Variants in IL6ST observed in about 807,000 individuals in gnomAD.
IL6ST encodes the protein interleukin 6 cytokine family signal transducer, also known as interleukin-6 receptor subunit beta.
In IL6ST, 24 loss-of-function variants were observed where a neutral mutation model predicts 91.3. The ratio of observed to expected loss-of-function variants is 0.26; its 90% CI spans 0.19 to 0.37. IL6ST has a LOEUF of 0.37. IL6ST is among the 10% of genes least tolerant of loss of function. The probability of loss-of-function intolerance (pLI) is 1.00; values close to 1 mark genes in which losing one functional copy is unlikely to be tolerated. For synonymous variants in IL6ST, 351 were observed against 373.6 expected, an observed-to-expected ratio of 0.94 and a Z score of 0.70; for missense variants, 914 against 1,078.5, an observed-to-expected ratio of 0.85 and a Z score of 2.14.
At chr5:55,978,844 T>C (rs11748421) in intron 2 of IL6ST, among the ~76,000 whole-genome samples, 13,453 of 74,226 alleles carry the variant, frequency 0.18, 674 homozygotes, top group Non-Finnish European at 0.2. Context: ...TTATTGTTTA[T>C]AAATTAGACC....
intron 14 of IL6ST, among the ~76,000 whole-genome samples, chr5:55,949,436 C>G (rs1280547125): frequency 6.6e-6 from 1 of 152,124 alleles, no homozygotes; most frequent in Non-Finnish European, 1.5e-5. Flanking sequence ...GACTGCACCA[C>G]TGCACTCCAG....
chr5:55,988,131 CAA>C (rs397955074), intron 1 of IL6ST, among the ~76,000 whole-genome samples: 31 of 64,410 alleles, frequency 4.8e-4, no homozygotes, highest in Admixed American at 5.5e-4. Flanking sequence ...GCTCTGCCTC[CAA>C]AAAAAAAAAA....
intron 14 of IL6ST, among the ~76,000 whole-genome samples, chr5:55,948,677 C>G (rs2111651012): frequency 6.6e-6 from 1 of 152,004 alleles, no homozygotes; most frequent in African/African-American, 2.4e-5. Context: ...AGAAACTTTG[C>G]TTTATTAAAC....
intron 5 of IL6ST, among the ~76,000 whole-genome samples, 185 bp from the exon 6 acceptor site, chr5:55,964,497 T>A (rs1009531287): frequency 2.6e-5 from 4 of 152,324 alleles, no homozygotes; most frequent in Middle Eastern, 3.4e-3. Context: ...TTGATCTATA[T>A]CTTAAAACAT....
chr5:55,967,314 A>G, intron 5 of IL6ST, among the ~76,000 whole-genome samples: 1 of 62,988 alleles, frequency 1.6e-5, no homozygotes. Context: ...CATCTCAAAA[A>G]AAAAAAAAAA....
chr5:55,975,561 A>G (rs1336683983), intron 3 of IL6ST, among the ~76,000 whole-genome samples: 8 of 152,076 alleles, frequency 5.3e-5, no homozygotes, highest in Admixed American at 5.2e-4. Flanking sequence ...AATTGTAGAG[A>G]TGGGGCCTTG....
Position 55,941,922 on chromosome 5 carries a change from T to A in IL6ST, c.2020-103A>T, listed in dbSNP as rs1750947198. ...AACTCTCAGTGGTACAGAAATAACC[T>A]GTATTATGTCACTAAGTCACTGTCA... On this transcript the variant is annotated intron_variant, in intron 16 of 16. Transcript: ENST00000381298. The A allele has an allele frequency of 2.1e-5, 20 of 970,542 alleles. No individual in the cohort carries two copies. The South Asian group carries it at 3.1e-4, about 15-fold the overall frequency. The allele number at this position is 970,542 out of a possible 1,614,324, so 60.1% of individuals were successfully genotyped here.
chr5:55,987,562 T>C (rs1270323035), intron 1 of IL6ST, among the ~76,000 whole-genome samples: 1 of 152,202 alleles, frequency 6.6e-6, no homozygotes, highest in Non-Finnish European at 1.5e-5. Context: ...ACAAAGATGA[T>C]ACAGGGACTC....
intron 14 of IL6ST, among the ~76,000 whole-genome samples, chr5:55,951,142 A>C (rs575863444): frequency 6.6e-6 from 1 of 152,296 alleles, no homozygotes; most frequent in Admixed American, 6.5e-5. Context: ...TCCTTCAAGT[A>C]ATCTCTCAAT....
In IL6ST at chr5:55,938,783, AG is replaced by A. The variant is rs540519021; in HGVS notation, c.*2298del. ...TTATAATTTATTTTCTCCTTAGGGCAGGTGTACATTACATATTAGTGCTCAA... is the reference window on the plus strand; with the variant it reads ...TTATAATTTATTTTCTCCTTAGGGCAGTGTACATTACATATTAGTGCTCAA... On this transcript the variant is annotated 3_prime_UTR_variant, in exon 17 of 17. Coordinates refer to ENST00000381298, the MANE Select transcript of IL6ST (RefSeq NM_002184.4). The A allele has an allele frequency of 7.9e-4, 160 of 202,546 alleles. No individual in the cohort carries two copies. The highest frequency in any genetic ancestry group is 3.4e-3 in the African/African-American group (150 of 43,748). 12.5% of individuals were successfully genotyped at this position (202,546 alleles called of 1,614,324 possible).
At chr5:55,978,961 G>C (rs1364154209) in intron 2 of IL6ST, among the ~76,000 whole-genome samples, 3 of 152,106 alleles carry the variant, frequency 2.0e-5, no homozygotes, top group African/African-American at 7.2e-5. Flanking sequence ...ATTCAAAATA[G>C]ATGAAAAATA....
chr5:55,992,296 T>C (rs372902227), intron 1 of IL6ST, among the ~76,000 whole-genome samples: 26 of 152,330 alleles, frequency 1.7e-4, no homozygotes, highest in African/African-American at 6.0e-4. Flanking sequence ...GGTATGATCT[T>C]ATTTTCTATC....
intron 11 of IL6ST, among the ~76,000 whole-genome samples, chr5:55,953,133 T>C (rs1751746950): frequency 6.6e-6 from 1 of 152,218 alleles, no homozygotes; most frequent in African/African-American, 2.4e-5. Context: ...ATTTTTCTTA[T>C]TTATACAGTA....
intron 2 of IL6ST, among the ~76,000 whole-genome samples, chr5:55,982,059 C>T (rs533717428): frequency 3.3e-4 from 51 of 152,256 alleles, no homozygotes; most frequent in African/African-American, 1.1e-3. Flanking sequence ...AAGATTATCC[C>T]TATAGTTGTT....
At chr5:55,974,972 C>CACAT (rs1419924778) in intron 3 of IL6ST, among the ~76,000 whole-genome samples, 1 of 151,836 alleles carries the variant, frequency 6.6e-6, no homozygotes, top group East Asian at 1.9e-4. Flanking sequence ...CACACACACA[C>CACAT]ACACACACAC....
chr5:55,956,268 C>A, intron 9 of IL6ST, 33 bp from the exon 10 acceptor site: 1 of 1,234,432 alleles, frequency 8.1e-7, no homozygotes, highest in South Asian at 1.3e-5. Context: ...TAAAAATAAT[C>A]TCATAAATCT....
At chr5:55,974,068 T>C (rs528702362) in intron 3 of IL6ST, among the ~76,000 whole-genome samples, 1 of 152,310 alleles carries the variant, frequency 6.6e-6, no homozygotes, top group African/African-American at 2.4e-5. Context: ...TTTTCACTGA[T>C]CACTAGCTCA....
chr5:55,979,046 T>C (rs1290832004), intron 2 of IL6ST, among the ~76,000 whole-genome samples: 1 of 151,894 alleles, frequency 6.6e-6, no homozygotes, highest in East Asian at 1.9e-4. Context: ...CAATGAAAAA[T>C]AACAACAGAT....
intron 15 of IL6ST, among the ~76,000 whole-genome samples, chr5:55,945,648 CTTTTTTT>C (rs70995749): frequency 2.9e-4 from 12 of 41,678 alleles, no homozygotes; most frequent in African/African-American, 1.1e-3. Context: ...AAAACTTATG[CTTTTTTT>C]TTTTTTTTTT....
Sources: allele counts gnomAD v4.1 joint callset (sites outside exome capture counted in the v4.1 genomes callset), GRCh38; gene constraint gnomAD v4.1.1; transcripts MANE v1.5; gene names NCBI Gene and HGNC (gene_info 2026-07-23, HGNC 2026-07-21).